The following SESN3 variants were observed in gnomAD, a reference collection of about 807,000 sequenced individuals.
SESN3 encodes the protein sestrin 3.
In SESN3, 21 loss-of-function variants were observed where a neutral mutation model predicts 55.3. That is an observed-to-expected ratio of 0.38 (90% CI 0.27 to 0.55). SESN3 has a LOEUF of 0.55. Among genes scored for constraint, SESN3 ranks in the 20% least tolerant of loss-of-function variants. The pLI is 0.76. For synonymous variants in SESN3, 181 were observed against 203.1 expected (o/e 0.89, Z 0.93); for missense variants, 408 against 604.3 (o/e 0.68, Z 3.41).
chr11:95,215,034 C>G (rs762692096), intron 1 of SESN3, among the ~76,000 whole-genome samples: 5 of 152,148 alleles, frequency 3.3e-5, no homozygotes, highest in Non-Finnish European at 7.3e-5. Flanking sequence ...CAAAAGGAAT[C>G]TTCCTGATTC....
intron 6 of SESN3, among the ~76,000 whole-genome samples, chr11:95,179,562 A>AT (rs1393274535): frequency 6.6e-6 from 1 of 152,196 alleles, no homozygotes; most frequent in Non-Finnish European, 1.5e-5. Flanking sequence ...ATCTGGATGT[A>AT]TTCACAGTAA....
At chr11:95,205,741 C>A (rs534516624) in intron 1 of SESN3, among the ~76,000 whole-genome samples, 1 of 152,278 alleles carries the variant, frequency 6.6e-6, no homozygotes, top group Non-Finnish European at 1.5e-5. Flanking sequence ...CATTTAAAGA[C>A]CCAAACTTTT....
chr11:95,186,513 G>C (rs1407193009), intron 4 of SESN3, among the ~76,000 whole-genome samples: 2 of 151,682 alleles, frequency 1.3e-5, no homozygotes, highest in Non-Finnish European at 2.9e-5. Flanking sequence ...CAAAATTATA[G>C]CTAGATAGAA....
At position 95,231,124 on chromosome 11, in the gene SESN3, G is replaced by GACCCCC. The variant is rs1861054693; in HGVS notation, c.-270_-265dup. Reference sequence around the variant, plus strand: ...TTGTTCCACCCGCCCCCATCTTCCAGACCCCCGCCCCCGCCAGGCTAGGAC... The same window carrying GACCCCC: ...TTGTTCCACCCGCCCCCATCTTCCAGACCCCCACCCCCGCCCCCGCCAGGCTAGGAC... On this transcript the variant is annotated 5_prime_UTR_variant, in exon 1 of 10. Coordinates refer to ENST00000536441, the MANE Select transcript of SESN3 (RefSeq NM_144665.4). 7.0e-6 allele frequency: 2 copies of GACCCCC among 286,704 alleles called. No individual in the cohort carries two copies. Among genetic ancestry groups the GACCCCC allele is most frequent in the Admixed American group, 7.3e-5 (1 of 13,664 alleles). 17.8% of individuals were successfully genotyped at this position (286,704 alleles called of 1,614,324 possible). A position where few individuals can be genotyped will look rare whatever the true frequency, so the allele number is the denominator to read the frequency against.
At chr11:95,177,599 C>G (rs1333008962) in intron 8 of SESN3, 120 bp downstream of exon 8, 2 of 612,340 alleles carry the variant, frequency 3.3e-6, no homozygotes, top group Non-Finnish European at 5.4e-6. Context: ...TTTTTAAAAT[C>G]AGAAGTCTAC....
rs1565460879 is a variant in SESN3 at position 95,173,125 on chromosome 11, A to AAC, written c.*129_*130insGT. The AAC allele has an allele frequency of 3.2e-5, 17 of 538,596 alleles. No individual in the cohort carries two copies. The highest frequency in any genetic ancestry group is 5.6e-5 in the Non-Finnish European group (17 of 304,914). 33.4% of individuals were successfully genotyped at this position (538,596 alleles called of 1,614,324 possible). A position where few individuals can be genotyped will look rare whatever the true frequency, so the allele number is the denominator to read the frequency against. The stretch of plus-strand genomic sequence containing the variant: ...CATTACAGCCGCAAAAAACAAAAAA[A>AAC]AAAAAACAAACGGCTAAACTTTGAC... On this transcript the variant is annotated 3_prime_UTR_variant, in exon 10 of 10. Coordinates refer to ENST00000536441, the MANE Select transcript of SESN3 (RefSeq NM_144665.4).
At chr11:95,217,648 G>A (rs2508787) in intron 1 of SESN3, among the ~76,000 whole-genome samples, 6 of 25,568 alleles carry the variant, frequency 2.3e-4, no homozygotes, top group South Asian at 2.8e-3. Flanking sequence ...GCCAGACTCC[G>A]TTTAAAAAAA....
chr11:95,211,637 G>A (rs1269851427), intron 1 of SESN3, among the ~76,000 whole-genome samples: 1 of 152,114 alleles, frequency 6.6e-6, no homozygotes, highest in Non-Finnish European at 1.5e-5. Flanking sequence ...GGGCATGGTG[G>A]CGCACGCCTG....
intron 3 of SESN3, 23 bp downstream of exon 3, chr11:95,191,381 A>T (rs1860265167): frequency 6.4e-7 from 1 of 1,561,028 alleles, no homozygotes; most frequent in Admixed American, 1.7e-5. Context: ...GTGTTATGTG[A>T]ACATAGGAAA....
chr11:95,212,374 A>G (rs905630554), intron 1 of SESN3, among the ~76,000 whole-genome samples: 5 of 152,250 alleles, frequency 3.3e-5, no homozygotes, highest in Admixed American at 3.3e-4. Context: ...AACCTAGGAC[A>G]GACTCCATAC....
chr11:95,216,843 C>T (rs1436090038), intron 1 of SESN3, among the ~76,000 whole-genome samples: 2 of 151,674 alleles, frequency 1.3e-5, no homozygotes, highest in Admixed American at 6.6e-5. Flanking sequence ...CATAGTGGCT[C>T]ACACCTGTAA....
chr11:95,180,441 A>G (rs1860038738), intron 6 of SESN3, among the ~76,000 whole-genome samples: 1 of 152,126 alleles, frequency 6.6e-6, no homozygotes, highest in Admixed American at 6.6e-5. Flanking sequence ...ATGGCAGGAA[A>G]GATTAAGTGC....
At chr11:95,212,791 C>T (rs1371135581) in intron 1 of SESN3, among the ~76,000 whole-genome samples, 4 of 152,110 alleles carry the variant, frequency 2.6e-5, no homozygotes, top group African/African-American at 9.7e-5. Flanking sequence ...CCCTCATTAG[C>T]CTCCTACACA....
At chr11:95,175,766 C>G in intron 8 of SESN3, 124 bp from the exon 9 acceptor site, 1 of 771,514 alleles carries the variant, frequency 1.3e-6, no homozygotes, top group Non-Finnish European at 2.0e-6. Flanking sequence ...ATTGAATCAA[C>G]AAATGTTTAC....
intron 9 of SESN3, 68 bp from the exon 10 acceptor site, chr11:95,173,409 C>T: frequency 1.0e-6 from 1 of 999,326 alleles, no homozygotes; most frequent in Non-Finnish European, 1.6e-6. Flanking sequence ...TAGACATTCA[C>T]AAAGGTTTTT....
chr11:95,203,568 T>C (rs1371529549), intron 1 of SESN3, among the ~76,000 whole-genome samples: 1 of 152,204 alleles, frequency 6.6e-6, no homozygotes, highest in Non-Finnish European at 1.5e-5. Flanking sequence ...TGGAATAGAA[T>C]GAACAGATCT....
intron 2 of SESN3, among the ~76,000 whole-genome samples, 191 bp from the exon 3 acceptor site, chr11:95,191,792 C>G (rs1860274423): frequency 6.6e-6 from 1 of 152,018 alleles, no homozygotes; most frequent in Non-Finnish European, 1.5e-5. Flanking sequence ...TCTGGTACCA[C>G]AATTTATTAA....
At chr11:95,216,839 G>A (rs1305600637) in intron 1 of SESN3, among the ~76,000 whole-genome samples, 3 of 151,988 alleles carry the variant, frequency 2.0e-5, no homozygotes, top group Non-Finnish European at 4.4e-5. Context: ...CAGGCATAGT[G>A]GCTCACACCT....
chr11:95,205,091 T>C (rs186091124), intron 1 of SESN3, among the ~76,000 whole-genome samples: 1 of 152,248 alleles, frequency 6.6e-6, no homozygotes, highest in East Asian at 1.9e-4. Flanking sequence ...GTTAAGTCTA[T>C]GTGGATACAA....
Sources: gnomAD v4.1 joint callset for allele counts (sites outside exome capture counted in the v4.1 genomes callset) on GRCh38, gnomAD v4.1.1 for gene constraint, MANE v1.5 for transcripts, NCBI Gene and HGNC (gene_info 2026-07-23, HGNC 2026-07-21) for gene names.